Variants in PPFIA1 observed in about 807,000 individuals in gnomAD.
The protein encoded by PPFIA1 is liprin-alpha-1.
PPFIA1 carries 25 observed loss-of-function variants against 149.9 expected under a neutral mutation model. That is an observed-to-expected ratio of 0.17 (90% confidence interval 0.12 to 0.23). PPFIA1 has a LOEUF of 0.23. Among genes scored for constraint, PPFIA1 ranks in the 10% least tolerant of loss-of-function variants. PPFIA1 has a pLI of 1.00. For synonymous variants in PPFIA1, 549 were observed against 552.8 expected (o/e 0.99, Z 0.10); for missense variants, 1,362 against 1,506.5 (o/e 0.90, Z 1.59).
chr11:70,335,512 A>G (rs1425890159), intron 10 of PPFIA1, 51 bp from the exon 11 acceptor site: 2 of 1,596,978 alleles, frequency 1.3e-6, no homozygotes, highest in South Asian at 2.2e-5. Flanking sequence ...TTTTAAAATA[A>G]TGATCGAGGA....
chr11:70,382,814 TC>T (rs1209070083), intron 27 of PPFIA1, among the ~76,000 whole-genome samples, 188 bp from the exon 28 acceptor site: 1 of 152,200 alleles, frequency 6.6e-6, no homozygotes. Context: ...AGGAGCTGTC[TC>T]ATTGATGTGC....
Position 70,348,337 on chromosome 11 carries a change from C to G in PPFIA1, c.2080C>G (p.Pro694Ala). ...YPASSLASSSPPGSGRSTPRR... is the reference protein window; with the variant it reads ...YPASSLASSSAPGSGRSTPRR... ...TGCTTCCTCGCTTGCTAGCTCCTCCCCTCCGGGCAGTGGGCGCTCCACCCC... is the reference window on the plus strand; with the variant it reads ...TGCTTCCTCGCTTGCTAGCTCCTCCGCTCCGGGCAGTGGGCGCTCCACCCC... The change falls in exon 16 of 28, where the codon CCT (proline) becomes GCT (alanine). Residue 694 changes from proline (P) to alanine (A), a missense_variant. Physicochemically the swap from Pro to Ala is conservative, Grantham distance 27. This residue lies in a region of PPFIA1 where 733 missense variants were observed against 744.1 expected (regional missense o/e 0.99). Coordinates refer to ENST00000253925, the MANE Select transcript of PPFIA1 (RefSeq NM_003626.5). The G allele has an allele frequency of 6.2e-7, 1 of 1,614,156 alleles. No homozygotes were observed. The highest frequency in any genetic ancestry group is 8.5e-7 in the Non-Finnish European group (1 of 1,180,018).
intron 27 of PPFIA1, 59 bp from the exon 28 acceptor site, chr11:70,382,944 C>T (rs1218742083): frequency 2.0e-5 from 7 of 358,710 alleles, no homozygotes; most frequent in Non-Finnish European, 3.1e-5. Flanking sequence ...CAGAAGTTCC[C>T]GTTCGTCAGT....
At chr11:70,362,769 A>G (rs1446709691) in intron 21 of PPFIA1, 3 of 256,280 alleles carry the variant, frequency 1.2e-5, no homozygotes, top group Non-Finnish European at 2.2e-5. Flanking sequence ...AAATTTAAAT[A>G]TGGAAATATG....
intron 2 of PPFIA1, among the ~76,000 whole-genome samples, chr11:70,318,659 C>T (rs1472114260): frequency 6.6e-6 from 1 of 152,310 alleles, no homozygotes; most frequent in South Asian, 2.1e-4. Flanking sequence ...TCTCTTTGAA[C>T]TCAGTCCAGT....
intron 2 of PPFIA1, among the ~76,000 whole-genome samples, chr11:70,289,698 A>G (rs2051394742): frequency 6.6e-6 from 1 of 152,258 alleles, no homozygotes; most frequent in Non-Finnish European, 1.5e-5. Flanking sequence ...CTTTTTAAGT[A>G]GCTGGGACTA....
intron 12 of PPFIA1, among the ~76,000 whole-genome samples, chr11:70,338,087 C>T (rs1247148327): frequency 6.6e-5 from 10 of 152,292 alleles, no homozygotes; most frequent in Non-Finnish European, 5.9e-5. Flanking sequence ...TGCTTCTCTA[C>T]GAAACTAATA....
At position 70,272,317 on chromosome 11, in the gene PPFIA1, C is replaced by G; in HGVS notation, c.145C>G (p.Arg49Gly). 1 of 1,614,166 alleles carries G rather than the reference C, an allele frequency of 6.2e-7. No homozygotes were observed. Among genetic ancestry groups the G allele is most frequent in the East Asian group, 2.2e-5 (1 of 44,886 alleles). Residue 49 changes from arginine to glycine, a missense_variant, in exon 2 of 28, where the codon CGC becomes GGC. This residue lies in a region of PPFIA1 where 100 missense variants were observed against 106.2 expected (regional missense o/e 0.94). Coordinates refer to ENST00000253925, the MANE Select transcript of PPFIA1 (RefSeq NM_003626.5). ...LMVSMLEERD[R>G]LLDTLRETQE... Reference sequence around the variant, plus strand: ...GGTCTCCATGCTAGAAGAAAGGGACCGCCTTCTTGATACACTGAGAGAGAC... The same window carrying G: ...GGTCTCCATGCTAGAAGAAAGGGACGGCCTTCTTGATACACTGAGAGAGAC...
chr11:70,332,222 A>G, intron 9 of PPFIA1, 128 bp downstream of exon 9: 1 of 1,163,300 alleles, frequency 8.6e-7, no homozygotes, highest in South Asian at 1.9e-5. Flanking sequence ...ATTTGGTTTG[A>G]GTGCTCTTTC....
intron 2 of PPFIA1, among the ~76,000 whole-genome samples, chr11:70,295,321 G>T: frequency 7.1e-6 from 1 of 141,322 alleles, no homozygotes; most frequent in Admixed American, 7.1e-5. Flanking sequence ...GCGGCTGGCT[G>T]GGCGGGGGGC....
At chr11:70,322,642 G>T (rs1312563934) in intron 2 of PPFIA1, among the ~76,000 whole-genome samples, 1 of 152,180 alleles carries the variant, frequency 6.6e-6, no homozygotes, top group Non-Finnish European at 1.5e-5. Context: ...GAATTGAAGA[G>T]CTATTCATGT....
intron 2 of PPFIA1, among the ~76,000 whole-genome samples, chr11:70,286,439 C>T (rs1450319285): frequency 1.3e-5 from 2 of 152,234 alleles, no homozygotes; most frequent in African/African-American, 2.4e-5. Context: ...TTTGTAGAGA[C>T]GGGGTTTCAC....
At chr11:70,291,364 ACG>A (rs2051514592) in intron 2 of PPFIA1, among the ~76,000 whole-genome samples, 1 of 152,222 alleles carries the variant, frequency 6.6e-6, no homozygotes, top group South Asian at 2.1e-4. Flanking sequence ...GAATAGTGTG[ACG>A]TGGTATTTCT....
intron 26 of PPFIA1, 181 bp downstream of exon 26, chr11:70,378,376 A>G: frequency 6.2e-6 from 8 of 1,298,292 alleles, no homozygotes; most frequent in Non-Finnish European, 7.8e-6. Flanking sequence ...AAGTTTAACC[A>G]TAATAATAGA....
intron 2 of PPFIA1, among the ~76,000 whole-genome samples, chr11:70,308,550 T>A (rs1237512172): frequency 6.6e-6 from 1 of 152,218 alleles, no homozygotes; most frequent in Non-Finnish European, 1.5e-5. Context: ...ATACTATAAA[T>A]ATAAACTGGA....
At chr11:70,369,712 C>T (rs2057131128) in intron 21 of PPFIA1, among the ~76,000 whole-genome samples, 1 of 152,248 alleles carries the variant, frequency 6.6e-6, no homozygotes, top group Non-Finnish European at 1.5e-5. Context: ...AGAAATTTGT[C>T]CATTTCATCT....
chr11:70,332,209 C>T (rs576599150), intron 9 of PPFIA1, 115 bp downstream of exon 9: 36 of 1,316,762 alleles, frequency 2.7e-5, no homozygotes, highest in South Asian at 1.2e-4. Flanking sequence ...TGGAAGAGCA[C>T]GGATTTGGTT....
chr11:70,307,533 A>G (rs182750574), intron 2 of PPFIA1, among the ~76,000 whole-genome samples: 1 of 152,360 alleles, frequency 6.6e-6, no homozygotes, highest in East Asian at 1.9e-4. Context: ...GGAAGAGTGA[A>G]CAGGGCTGAA....
chr11:70,381,718 C>G (rs7940090), intron 26 of PPFIA1, among the ~76,000 whole-genome samples: 27,105 of 152,182 alleles, frequency 0.18, 3,179 homozygotes, highest in African/African-American at 0.32. Flanking sequence ...AGAGATGGAG[C>G]ACTTAGGGCA....
Sources: gnomAD v4.1 joint callset for allele counts (sites outside exome capture counted in the v4.1 genomes callset) on GRCh38, gnomAD v4.1.1 for gene constraint, gnomAD v4.1.1 regional missense constraint, MANE v1.5 for transcripts, NCBI Gene and HGNC (gene_info 2026-07-23, HGNC 2026-07-21) for gene names.